ATG7: variants seen among roughly 807,000 people sequenced by gnomAD.
The protein encoded by ATG7 is ubiquitin-like modifier-activating enzyme ATG7.
ATG7 carries 70 observed loss-of-function variants against 82.4 expected under a neutral mutation model. That is an observed-to-expected ratio of 0.85 (90% CI 0.70 to 1.04). The LOEUF (loss-of-function observed/expected upper bound fraction) is 1.04. Ranked by LOEUF, ATG7 falls within the 50% of genes least tolerant of loss-of-function variation. ATG7 has a pLI of 0.00. For synonymous variants in ATG7, 287 were observed against 313.0 expected (o/e 0.92, Z 0.88); for missense variants, 792 against 864.3 (o/e 0.92, Z 1.05).
downstream of ATG7, among the ~76,000 whole-genome samples, chr3:11,561,398 T>G (rs1008454651): frequency 4.6e-5 from 7 of 152,164 alleles, no homozygotes; most frequent in East Asian, 1.9e-4. Context: ...TCAGGGCATC[T>G]CCTGACCTGA....
intron 18 of ATG7, among the ~76,000 whole-genome samples, chr3:11,371,864 C>T (rs1190729069): frequency 6.6e-6 from 1 of 151,416 alleles, no homozygotes; most frequent in Admixed American, 6.6e-5. Flanking sequence ...GCAGCCCCAA[C>T]AGGTGTTCCT....
At chr3:11,377,333 C>CT (rs2077495065) in intron 18 of ATG7, among the ~76,000 whole-genome samples, 1 of 152,240 alleles carries the variant, frequency 6.6e-6, no homozygotes, top group Admixed American at 6.5e-5. Context: ...GAAAATAAAT[C>CT]TGTTTCCTAG....
intron 19 of ATG7, among the ~76,000 whole-genome samples, chr3:11,393,761 A>C (rs571336449): frequency 6.6e-6 from 1 of 151,910 alleles, no homozygotes; most frequent in Non-Finnish European, 1.5e-5. Context: ...GCTCACTGCA[A>C]CCTCCACCTC....
At chr3:11,387,457 T>C (rs1261157425) in intron 19 of ATG7, among the ~76,000 whole-genome samples, 1 of 152,230 alleles carries the variant, frequency 6.6e-6, no homozygotes, top group Admixed American at 6.5e-5. Context: ...AGGATCCCTT[T>C]TGCCACTCAG....
intron 18 of ATG7, among the ~76,000 whole-genome samples, chr3:11,374,773 G>A (rs2077269778): frequency 1.3e-5 from 2 of 151,802 alleles, no homozygotes; most frequent in South Asian, 2.1e-4. Context: ...GCGTGGTGGC[G>A]GGTGCCTGTA....
chr3:11,427,934 T>C (rs1327043938), intron 20 of ATG7, among the ~76,000 whole-genome samples: 2 of 152,232 alleles, frequency 1.3e-5, no homozygotes, highest in East Asian at 1.9e-4. Context: ...TTCCTCAGAA[T>C]TGATGAGTGA....
intron 20 of ATG7, among the ~76,000 whole-genome samples, chr3:11,431,368 T>C (rs1215184773): frequency 6.6e-6 from 1 of 152,180 alleles, no homozygotes; most frequent in Non-Finnish European, 1.5e-5. Context: ...GCTGTTGCAC[T>C]CCAGCCTGCA....
the ATG7 span, among the ~76,000 whole-genome samples, chr3:11,572,325 C>T: frequency 6.6e-6 from 1 of 152,160 alleles, no homozygotes; most frequent in East Asian, 1.9e-4. Flanking sequence ...AAAACTAGTA[C>T]AACGATTCCA....
rs554721448 is a variant in ATG7 at position 11,488,542 on chromosome 3, C to T, written c.2079+61616C>T. The T allele has an allele frequency of 2.4e-3, 2,547 of 1,061,072 alleles. 48 individuals are homozygous for T. In the African/African-American group the frequency reaches 0.039, roughly 16 times the overall value. 65.7% of individuals were successfully genotyped at this position (1,061,072 alleles called of 1,614,324 possible). ...GGCTCCGCACTGCCCCGGGCCGCAG[C>T]GCAGCGGCGCCAACCACCACCCGCG... is the stretch of plus-strand genomic sequence containing the variant. On this transcript the variant is annotated intron_variant, in intron 20 of 20. Coordinates refer to ENST00000693202, the MANE Select transcript of ATG7 (RefSeq NM_001349232.2).
downstream of ATG7, among the ~76,000 whole-genome samples, chr3:11,559,047 G>A (rs1387813726): frequency 3.3e-5 from 5 of 152,218 alleles, no homozygotes; most frequent in Non-Finnish European, 7.3e-5. Flanking sequence ...CAGAGTCCGA[G>A]TTCAGAAAGA....
chr3:11,502,189 G>C (rs1271807523), intron 20 of ATG7, among the ~76,000 whole-genome samples: 1 of 151,514 alleles, frequency 6.6e-6, no homozygotes, highest in Non-Finnish European at 1.5e-5. Flanking sequence ...AGATGGACAA[G>C]AACGTTAAAT....
intron 1 of ATG7, among the ~76,000 whole-genome samples, chr3:11,277,923 T>C (rs1276079580): frequency 8.2e-6 from 1 of 122,236 alleles, no homozygotes; most frequent in African/African-American, 3.2e-5. Context: ...TGCATTCCTT[T>C]CCCAGGGTCT....
chr3:11,490,883 TTCTC>T (rs1447155374), intron 20 of ATG7, among the ~76,000 whole-genome samples: 1 of 152,174 alleles, frequency 6.6e-6, no homozygotes, highest in Non-Finnish European at 1.5e-5. Context: ...AACCTGACCT[TTCTC>T]TCTGGCTGCC....
At chr3:11,525,721 AT>A (rs1482816499) in intron 20 of ATG7, among the ~76,000 whole-genome samples, 2 of 151,524 alleles carry the variant, frequency 1.3e-5, no homozygotes, top group Non-Finnish European at 2.9e-5. Context: ...CACCTGGCTA[AT>A]TTTTTGTATT....
chr3:11,540,919 G>T (rs1373676606), intron 20 of ATG7, among the ~76,000 whole-genome samples: 1 of 126,296 alleles, frequency 7.9e-6, no homozygotes. Context: ...GGGGGGGGAG[G>T]GGGGGAGTCT....
downstream of ATG7, chr3:11,558,474 G>GA: frequency 8.1e-7 from 1 of 1,238,914 alleles, no homozygotes; most frequent in Non-Finnish European, 1.1e-6. Context: ...CCACCCCCAT[G>GA]ATTTTTTTTT....
At chr3:11,351,480 G>C (rs1017112361) in intron 14 of ATG7, among the ~76,000 whole-genome samples, 2 of 152,202 alleles carry the variant, frequency 1.3e-5, no homozygotes, top group African/African-American at 4.8e-5. Context: ...AACCAGGGTG[G>C]CTGCAACATA....
rs1226943958 is a variant in ATG7 at position 11,538,706 on chromosome 3, AT to A, written c.2080-16103del. ...AAAAAAAAAAAAAAAAAAAAAAAAA[AT>A]TAGCCAAAAAAAAAAAAAAAGCCAG... On this transcript the variant is annotated intron_variant, in intron 20 of 20. Coordinates refer to ENST00000693202, the MANE Select transcript of ATG7 (RefSeq NM_001349232.2). Among the ~76,000 whole-genome samples the A allele has an allele frequency of 5.1e-3, 495 of 96,528 alleles. 26 individuals carry two copies. Among genetic ancestry groups the A allele is most frequent in the African/African-American group, 0.022 (473 of 21,922 alleles). The allele number at this position is 96,528 out of a possible 152,430, so 63.3% of individuals were successfully genotyped here.
At chr3:11,499,545 A>T (rs1408606751) in intron 20 of ATG7, among the ~76,000 whole-genome samples, 7 of 152,144 alleles carry the variant, frequency 4.6e-5, no homozygotes, top group Non-Finnish European at 8.8e-5. Flanking sequence ...CAGGAGTTCG[A>T]GACCAGCCTG....
Sources: gnomAD v4.1 joint callset for allele counts (sites outside exome capture counted in the v4.1 genomes callset) on GRCh38, gnomAD v4.1.1 for gene constraint, MANE v1.5 for transcripts, NCBI Gene and HGNC (gene_info 2026-07-23, HGNC 2026-07-21) for gene names.